The following CNTN1 variants were observed in gnomAD, a reference collection of about 807,000 sequenced individuals.
CNTN1 encodes contactin 1.
In CNTN1, 38 loss-of-function variants were observed where a neutral mutation model predicts 126.4. The ratio of observed to expected loss-of-function variants is 0.30; its 90% CI spans 0.23 to 0.39. CNTN1 has a LOEUF of 0.39. Ranked by LOEUF, CNTN1 falls within the 10% of genes least tolerant of loss-of-function variation. The probability of loss-of-function intolerance (pLI) is 1.00; values close to 1 mark genes in which losing one functional copy is unlikely to be tolerated. For synonymous variants in CNTN1, 413 were observed against 422.6 expected (o/e 0.98, Z 0.28); for missense variants, 1,009 against 1,248.4 (o/e 0.81, Z 2.89).
At chr12:40,693,254 G>C (rs1186430095) in intron 1 of CNTN1, among the ~76,000 whole-genome samples, 1 of 152,228 alleles carries the variant, frequency 6.6e-6, no homozygotes, top group East Asian at 1.9e-4. Context: ...GGGAGGGAGA[G>C]ACCGCGGAGC....
intron 15 of CNTN1, among the ~76,000 whole-genome samples, chr12:40,978,277 A>AT (rs960195962): frequency 4.6e-5 from 7 of 151,930 alleles, no homozygotes; most frequent in African/African-American, 1.7e-4. Context: ...TAATAGTATT[A>AT]TTTTTCTCAG....
chr12:40,916,075 T>C (rs1203019535), intron 3 of CNTN1, among the ~76,000 whole-genome samples: 1 of 152,136 alleles, frequency 6.6e-6, no homozygotes, highest in Non-Finnish European at 1.5e-5. Flanking sequence ...TTTATGAACT[T>C]TACACTCCCC....
At chr12:40,805,341 T>C (rs1940809569) in intron 1 of CNTN1, among the ~76,000 whole-genome samples, 1 of 152,218 alleles carries the variant, frequency 6.6e-6, no homozygotes, top group Admixed American at 6.6e-5. Flanking sequence ...CTCTGCACTA[T>C]GTTTTTCTCC....
intron 1 of CNTN1, among the ~76,000 whole-genome samples, chr12:40,879,550 G>A (rs996707691): frequency 6.6e-6 from 1 of 152,030 alleles, no homozygotes; most frequent in African/African-American, 2.4e-5. Flanking sequence ...GATTAGGAAT[G>A]AGAAAAAGAA....
intron 1 of CNTN1, among the ~76,000 whole-genome samples, chr12:40,767,055 G>C (rs1018511849): frequency 6.6e-6 from 1 of 152,062 alleles, no homozygotes; most frequent in East Asian, 1.9e-4. Context: ...TGAGAATCAT[G>C]GGTTAATAAT....
At chr12:40,889,110 C>A (rs1007336973) in intron 1 of CNTN1, among the ~76,000 whole-genome samples, 3 of 152,202 alleles carry the variant, frequency 2.0e-5, no homozygotes, top group Non-Finnish European at 2.9e-5. Context: ...AAGGGTTAAA[C>A]CTGCTGCCTT....
intron 1 of CNTN1, among the ~76,000 whole-genome samples, chr12:40,848,581 T>C (rs1296189634): frequency 6.6e-6 from 1 of 152,212 alleles, no homozygotes; most frequent in African/African-American, 2.4e-5. Flanking sequence ...AACAGTAATA[T>C]GACCACATTC....
At chr12:40,839,544 A>G (rs987465752) in intron 1 of CNTN1, among the ~76,000 whole-genome samples, 1 of 152,208 alleles carries the variant, frequency 6.6e-6, no homozygotes, top group African/African-American at 2.4e-5. Flanking sequence ...ATATCTAGTC[A>G]TCTATAAAGG....
At chr12:40,870,320 C>T (rs1215274551) in intron 1 of CNTN1, among the ~76,000 whole-genome samples, 1 of 152,112 alleles carries the variant, frequency 6.6e-6, no homozygotes, top group Middle Eastern at 3.2e-3. Context: ...TGGGACTACT[C>T]ATGGCAGAAT....
rs1944910368 is a variant in CNTN1, at chr12:40,908,381, T to C, written c.-52T>C. Reference sequence around the variant, plus strand: ...GGTGTTTAAAATTATCCAACTGCCATAGAGCTAAATTCTTTTTTGGAAAAT... The same window carrying C: ...GGTGTTTAAAATTATCCAACTGCCACAGAGCTAAATTCTTTTTTGGAAAAT... On this transcript the variant is annotated 5_prime_UTR_variant, in exon 2 of 24. An upstream open reading frame in the 5' UTR loses its in-frame stop. Transcript: ENST00000551295. 4 of 1,386,572 alleles carry C rather than the reference T, an allele frequency of 2.9e-6. No homozygotes were observed. The highest frequency in any genetic ancestry group is 3.1e-6 in the Non-Finnish European group (3 of 974,284). The allele number at this position is 1,386,572 out of a possible 1,614,324, so 85.9% of individuals were successfully genotyped here.
chr12:40,984,307 G>A (rs529804841), intron 16 of CNTN1, among the ~76,000 whole-genome samples: 1 of 151,952 alleles, frequency 6.6e-6, no homozygotes. Flanking sequence ...AATTTCATCT[G>A]TCTAAGTCTA....
At chr12:40,769,943 T>C (rs1339906247) in intron 1 of CNTN1, among the ~76,000 whole-genome samples, 13 of 152,078 alleles carry the variant, frequency 8.5e-5, no homozygotes, top group Admixed American at 8.5e-4. Flanking sequence ...GAAACATATG[T>C]AGAGAGGAGA....
At chr12:40,764,411 G>A (rs11178254) in intron 1 of CNTN1, among the ~76,000 whole-genome samples, 1 of 152,106 alleles carries the variant, frequency 6.6e-6, no homozygotes, top group Non-Finnish European at 1.5e-5. Context: ...ATTAAGAAAA[G>A]AGGTTTGTCT....
chr12:40,713,622 T>C (rs1941978950), intron 1 of CNTN1, among the ~76,000 whole-genome samples: 1 of 151,942 alleles, frequency 6.6e-6, no homozygotes, highest in Non-Finnish European at 1.5e-5. Flanking sequence ...ATTTGACTAA[T>C]GAAAGTGCTA....
At chr12:40,936,932 T>C in intron 10 of CNTN1, 27 bp downstream of exon 10, 1 of 1,611,810 alleles carries the variant, frequency 6.2e-7, no homozygotes, top group Non-Finnish European at 8.5e-7. Context: ...GCTTTGCTGT[T>C]CCTGAGTCCC....
intron 23 of CNTN1, among the ~76,000 whole-genome samples, 169 bp from the exon 24 acceptor site, chr12:41,069,790 C>T (rs1032719730): frequency 6.6e-6 from 1 of 152,062 alleles, no homozygotes; most frequent in Non-Finnish European, 1.5e-5. Context: ...AATCTTTGAT[C>T]AAAAGCTTTT....
intron 23 of CNTN1, among the ~76,000 whole-genome samples, chr12:41,069,354 A>G (rs1042685126): frequency 2.0e-5 from 3 of 152,216 alleles, no homozygotes; most frequent in African/African-American, 7.2e-5. Flanking sequence ...GGGATGTGAA[A>G]TTATGCAAGA....
At chr12:40,893,278 A>T (rs1944303034) in intron 1 of CNTN1, among the ~76,000 whole-genome samples, 1 of 152,078 alleles carries the variant, frequency 6.6e-6, no homozygotes, top group African/African-American at 2.4e-5. Flanking sequence ...AAGAATAGAA[A>T]TTTGGACATA....
At chr12:40,968,341 A>G (rs1041187643) in intron 15 of CNTN1, among the ~76,000 whole-genome samples, 2 of 151,992 alleles carry the variant, frequency 1.3e-5, no homozygotes, top group Non-Finnish European at 1.5e-5. Flanking sequence ...TTGCTATTTT[A>G]TTTTTGCTCA....
Sources: allele counts gnomAD v4.1 joint callset (sites outside exome capture counted in the v4.1 genomes callset), GRCh38; gene constraint gnomAD v4.1.1; transcripts MANE v1.5; gene names NCBI Gene and HGNC (gene_info 2026-07-23, HGNC 2026-07-21).